The following ARHGAP23 variants were observed in gnomAD, a reference collection of about 807,000 sequenced individuals.
The protein encoded by ARHGAP23 is rho GTPase-activating protein 23.
ARHGAP23 carries 34 observed loss-of-function variants against 136.3 expected under a neutral mutation model. The ratio of observed to expected loss-of-function variants is 0.25; its 90% CI spans 0.19 to 0.33. ARHGAP23 has a LOEUF of 0.33. ARHGAP23 is among the 10% of genes least tolerant of loss of function. The pLI is 1.00. For synonymous variants in ARHGAP23, 832 were observed against 920.5 expected, an observed-to-expected ratio of 0.90 and a Z score of 1.74; for missense variants, 1,808 against 2,139.0, an observed-to-expected ratio of 0.85 and a Z score of 3.05.
chr17:38,461,879 T>A (rs2039467988), intron 3 of ARHGAP23, among the ~76,000 whole-genome samples: 1 of 152,104 alleles, frequency 6.6e-6, no homozygotes, highest in Non-Finnish European at 1.5e-5. Context: ...TTGTGTGTGC[T>A]GCACATGTGT....
At chr17:38,472,366 CA>C (rs949186584) in intron 11 of ARHGAP23, among the ~76,000 whole-genome samples, 20 of 151,882 alleles carry the variant, frequency 1.3e-4, no homozygotes, top group African/African-American at 4.6e-4. Context: ...AGCTAAGGCC[CA>C]AGAAGACGCA....
chr17:38,483,801 G>A (rs1158608004), intron 16 of ARHGAP23, among the ~76,000 whole-genome samples: 1 of 152,176 alleles, frequency 6.6e-6, no homozygotes, highest in Non-Finnish European at 1.5e-5. Flanking sequence ...TTTGAGTATT[G>A]GAGGAATGAA....
chr17:38,437,127 A>C (rs1483053927), intron 1 of ARHGAP23, among the ~76,000 whole-genome samples: 1 of 152,110 alleles, frequency 6.6e-6, no homozygotes, highest in Non-Finnish European at 1.5e-5. Flanking sequence ...ATCAAATTTC[A>C]AGCTGGGCCA....
intron 1 of ARHGAP23, among the ~76,000 whole-genome samples, chr17:38,454,910 G>A (rs771789237): frequency 2.6e-5 from 4 of 152,218 alleles, no homozygotes; most frequent in African/African-American, 7.2e-5. Context: ...ATTTTTGGAC[G>A]TCTCTTTCTT....
intron 13 of ARHGAP23, 86 bp from the exon 14 acceptor site, chr17:38,479,667 G>A (rs2039983531): frequency 1.4e-6 from 2 of 1,428,780 alleles, no homozygotes; most frequent in Admixed American, 2.5e-5. Flanking sequence ...GTGGAGGGGA[G>A]GTCCCGAGGG....
chr17:38,473,374 G>T (rs1282622558), intron 11 of ARHGAP23, among the ~76,000 whole-genome samples: 2 of 152,138 alleles, frequency 1.3e-5, no homozygotes, highest in African/African-American at 4.8e-5. Flanking sequence ...CAAGCACGTG[G>T]CTTTGGGCAC....
upstream of ARHGAP23, among the ~76,000 whole-genome samples, chr17:38,426,645 A>G (rs533070420): frequency 1.3e-5 from 2 of 152,130 alleles, no homozygotes; most frequent in African/African-American, 4.8e-5. Flanking sequence ...TTCTGGCTGC[A>G]CATGACCTTG....
At position 38,479,785 on chromosome 17, in the gene ARHGAP23, C is replaced by G. The variant is rs1357052651; in HGVS notation, c.2531C>G (p.Pro844Arg). ...HSSGPKADSS[P>R]KGSRGLGGLK... ...TCTGGGCCCAAAGCTGATTCCTCCC[C>G]CAAAGGCTCTCGCGGCCTGGGGGGC... Residue 844 changes from proline to arginine, a missense_variant, in exon 14 of 24, where the codon CCC (proline) becomes CGC (arginine). Physicochemically the swap from Pro to Arg is moderately radical, Grantham distance 103. This residue lies in a region of ARHGAP23 where 73 missense variants were observed against 82.5 expected (regional missense o/e 0.88). Coordinates refer to ENST00000622683, the MANE Select transcript of ARHGAP23 (RefSeq NM_001199417.2). 28 of 1,507,162 alleles carry G rather than the reference C, an allele frequency of 1.9e-5. No individual in the cohort carries two copies. Among genetic ancestry groups the G allele is most frequent in the South Asian group, 7.8e-5 (6 of 76,868 alleles). 93.4% of individuals were successfully genotyped at this position (1,507,162 alleles called of 1,614,324 possible).
At chr17:38,504,660 C>G (rs1048613313) in intron 23 of ARHGAP23, among the ~76,000 whole-genome samples, 4 of 152,202 alleles carry the variant, frequency 2.6e-5, no homozygotes, top group Admixed American at 2.0e-4. Context: ...CTCCCACGGC[C>G]TCCATCTGAG....
At chr17:38,421,761 C>T (rs909600530) in intron 1 of ARHGAP23, among the ~76,000 whole-genome samples, 8 of 152,250 alleles carry the variant, frequency 5.3e-5, no homozygotes, top group African/African-American at 1.9e-4. Context: ...CACTCCCACC[C>T]AGGGCTGGCT....
chr17:38,488,251 A>G (rs1463702823), intron 17 of ARHGAP23, among the ~76,000 whole-genome samples: 1 of 152,180 alleles, frequency 6.6e-6, no homozygotes, highest in Non-Finnish European at 1.5e-5. Context: ...CTAATCAGAT[A>G]AGGGAAATGG....
At chr17:38,421,677 G>A (rs2144455877) in intron 1 of ARHGAP23, among the ~76,000 whole-genome samples, 1 of 152,368 alleles carries the variant, frequency 6.6e-6, no homozygotes, top group South Asian at 2.1e-4. Context: ...GCTGGGTGGG[G>A]TGAGTGCCAG....
At position 38,500,333 on chromosome 17, in the gene ARHGAP23, A is replaced by G. The variant is rs1458445496; in HGVS notation, c.3416-264A>G. Reference sequence around the variant, plus strand: ...AGACAATGCCCCCTTGCCCTTAGCCATCGGTAAATGAGGGGCCAGTGGCTG... The same window carrying G: ...AGACAATGCCCCCTTGCCCTTAGCCGTCGGTAAATGAGGGGCCAGTGGCTG... On this transcript the variant is annotated intron_variant, in intron 22 of 23. Transcript: ENST00000622683. 5.6e-6 allele frequency: 3 copies of G among 537,630 alleles called. No homozygotes were observed. The African/African-American group carries it at 5.7e-5, about 10-fold the overall frequency. The allele number at this position is 537,630 out of a possible 1,614,324, so 33.3% of individuals were successfully genotyped here.
At chr17:38,420,353 C>T (rs1291767956) in intron 1 of ARHGAP23, among the ~76,000 whole-genome samples, 1 of 152,172 alleles carries the variant, frequency 6.6e-6, no homozygotes, top group Non-Finnish European at 1.5e-5. Context: ...TCTGGAGAGG[C>T]GGGATAGGTT....
intron 1 of ARHGAP23, chr17:38,450,518 C>T (rs925819376): frequency 5.3e-5 from 8 of 152,156 alleles, no homozygotes; most frequent in African/African-American, 1.4e-4. Flanking sequence ...GGTGATCCTC[C>T]CACCTAAGCC....
chr17:38,479,454 C>G lies in ARHGAP23; in HGVS notation c.2455C>G (p.Gln819Glu), dbSNP rs1339862781. The stretch of plus-strand genomic sequence containing the variant: ...GCTTCAGGACCCCGGCTGTGCCAAC[C>G]AAGCTCTGATCAGCAAGAAGCTTAA... ...AEGEDPGCAN[Q>E]ALISKKLNDY... The change falls in exon 13 of 24, where the codon CAA becomes GAA. Residue 819 changes from glutamine to glutamate, a missense_variant. Gln to Glu is a conservative substitution (Grantham distance 29). Coordinates refer to ENST00000622683, the MANE Select transcript of ARHGAP23 (RefSeq NM_001199417.2). 12 of 1,548,346 alleles carry G rather than the reference C, an allele frequency of 7.8e-6. No homozygotes were observed. The highest frequency in any genetic ancestry group is 1.4e-5 in the African/African-American group (1 of 72,922).
chr17:38,482,673 G>T lies in ARHGAP23; in HGVS notation c.2902G>T (p.Asp968Tyr), dbSNP rs1026660718. ...NRGPGDINLQ[D>Y]ERWQDLNVIS... ...CGGGCCTGGTGACATCAACCTGCAG[G>T]ATGAGGTGGGTGAAGCTGGGGGGTC... is the stretch of plus-strand genomic sequence containing the variant. The change falls in exon 16 of 24, where the codon GAT (aspartate) becomes TAT (tyrosine). Residue 968 changes from aspartate (D) to tyrosine (Y), a missense_variant. Asp to Tyr is a radical substitution (Grantham distance 160, BLOSUM62 -3). Around this residue, in one of 7 missense-constraint regions of ARHGAP23, gnomAD observed 105 missense variants for 200.6 expected, o/e 0.52. Coordinates refer to ENST00000622683, the MANE Select transcript of ARHGAP23 (RefSeq NM_001199417.2). The T allele has an allele frequency of 8.1e-5, 126 of 1,547,692 alleles. No homozygotes were observed. Among genetic ancestry groups the T allele is most frequent in the Non-Finnish European group, 1.1e-4 (121 of 1,145,688 alleles).
At chr17:38,465,688 G>A (rs1032907095) in intron 6 of ARHGAP23, among the ~76,000 whole-genome samples, 1 of 152,162 alleles carries the variant, frequency 6.6e-6, no homozygotes. Context: ...CCATTCCCGG[G>A]GATGGAGGGA....
In ARHGAP23 at chr17:38,491,538, C is replaced by A; in HGVS notation, c.3276+6C>A. On this transcript the variant is annotated splice_donor_region_variant and intron_variant, in intron 20 of 23. Transcript: ENST00000622683. ...TGGAGACACTGATCCAGCACGTAAG[C>A]CCCTGTTCCGGGGGGCGCCCGGCAG... 3 of 1,549,518 alleles carry A rather than the reference C, an allele frequency of 1.9e-6. No homozygotes were observed. The highest frequency in any genetic ancestry group is 2.6e-6 in the Non-Finnish European group (3 of 1,146,788).
Sources: gnomAD v4.1 joint callset for allele counts (sites outside exome capture counted in the v4.1 genomes callset) on GRCh38, gnomAD v4.1.1 for gene constraint, gnomAD v4.1.1 regional missense constraint, MANE v1.5 for transcripts, NCBI Gene and HGNC (gene_info 2026-07-23, HGNC 2026-07-21) for gene names.